The following KCNS3 variants were observed in gnomAD, a reference collection of about 807,000 sequenced individuals.
KCNS3 encodes potassium voltage-gated channel modifier subfamily S member 3.
A neutral mutation model predicts 31.0 loss-of-function variants in KCNS3; 13 were observed. That is an observed-to-expected ratio of 0.42 (90% CI 0.27 to 0.67). KCNS3 has a LOEUF of 0.67. Among genes scored for constraint, KCNS3 ranks in the 30% least tolerant of loss-of-function variants. KCNS3 has a pLI of 0.25. For synonymous variants in KCNS3, 238 were observed against 241.5 expected (o/e 0.99, Z 0.13); for missense variants, 545 against 622.4 (o/e 0.88, Z 1.32).
intron 2 of KCNS3, 36 bp from the exon 3 acceptor site, chr2:17,930,914 G>C: frequency 1.4e-6 from 2 of 1,432,900 alleles, no homozygotes; most frequent in Non-Finnish European, 1.9e-6. Flanking sequence ...GGGCACGGCA[G>C]GACAGAGTGC....
At chr2:17,893,396 A>C (rs1316702339) in intron 1 of KCNS3, among the ~76,000 whole-genome samples, 1 of 152,224 alleles carries the variant, frequency 6.6e-6, no homozygotes, top group Non-Finnish European at 1.5e-5. Flanking sequence ...TGAAGTCTGC[A>C]TGCCGGATTA....
At chr2:17,927,200 A>T (rs922761034) in intron 2 of KCNS3, among the ~76,000 whole-genome samples, 7 of 152,310 alleles carry the variant, frequency 4.6e-5, no homozygotes, top group Admixed American at 4.6e-4. Flanking sequence ...TCCAGGTCCC[A>T]ATCAGTTTTT....
chr2:17,912,302 A>G (rs1662488934), intron 1 of KCNS3, among the ~76,000 whole-genome samples: 2 of 152,204 alleles, frequency 1.3e-5, no homozygotes, highest in South Asian at 4.1e-4. Flanking sequence ...GCTCACTCCA[A>G]AGCTGCTTGC....
At chr2:17,912,237 T>G (rs1408309100) in intron 1 of KCNS3, among the ~76,000 whole-genome samples, 1 of 152,230 alleles carries the variant, frequency 6.6e-6, no homozygotes, top group Non-Finnish European at 1.5e-5. Flanking sequence ...TATGATGTCC[T>G]CCAGAAAGGT....
At chr2:17,930,859 G>C (rs746650564) in intron 2 of KCNS3, 91 bp from the exon 3 acceptor site, 6 of 730,780 alleles carry the variant, frequency 8.2e-6, no homozygotes, top group Non-Finnish European at 1.3e-5. Flanking sequence ...TGCTTTTAAT[G>C]TAGCCCATCC....
chr2:17,893,611 C>T (rs1400773321), intron 1 of KCNS3, among the ~76,000 whole-genome samples: 1 of 152,188 alleles, frequency 6.6e-6, no homozygotes, highest in African/African-American at 2.4e-5. Flanking sequence ...GCTGCTTCCT[C>T]TGTATTTCGC....
At chr2:17,884,794 T>C (rs1661590553) in intron 1 of KCNS3, among the ~76,000 whole-genome samples, 1 of 152,186 alleles carries the variant, frequency 6.6e-6, no homozygotes, top group Non-Finnish European at 1.5e-5. Context: ...TTGAATCCTA[T>C]CTCTGGCTTT....
chr2:17,921,751 A>G (rs1662708658), intron 2 of KCNS3, among the ~76,000 whole-genome samples: 1 of 151,488 alleles, frequency 6.6e-6, no homozygotes. Flanking sequence ...ACAATCATGA[A>G]AAAAGCAAGG....
chr2:17,884,256 TAAAA>T (rs34385647), intron 1 of KCNS3, among the ~76,000 whole-genome samples: 1,598 of 86,486 alleles, frequency 0.018, 36 homozygotes, highest in Middle Eastern at 0.025. Context: ...AAAGTATAAT[TAAAA>T]AAAAAAAAAT....
chr2:17,895,583 C>T (rs1662007661), intron 1 of KCNS3, among the ~76,000 whole-genome samples: 1 of 152,172 alleles, frequency 6.6e-6, no homozygotes. Flanking sequence ...TAAACTTTCA[C>T]TGGACATCTC....
chr2:17,894,346 C>T (rs1017349709), intron 1 of KCNS3, among the ~76,000 whole-genome samples: 1 of 152,046 alleles, frequency 6.6e-6, no homozygotes, highest in African/African-American at 2.4e-5. Flanking sequence ...CACCACACAC[C>T]CATCCATGCA....
At chr2:17,910,061 T>G (rs1413396997) in intron 1 of KCNS3, among the ~76,000 whole-genome samples, 2 of 152,228 alleles carry the variant, frequency 1.3e-5, no homozygotes, top group Non-Finnish European at 2.9e-5. Flanking sequence ...ATAGCGTGTT[T>G]AAACACAAAA....
At chr2:17,908,878 G>T (rs1020821067) in intron 1 of KCNS3, among the ~76,000 whole-genome samples, 2 of 152,226 alleles carry the variant, frequency 1.3e-5, no homozygotes, top group African/African-American at 2.4e-5. Flanking sequence ...CTACTGGGGG[G>T]TGCCTCCCAG....
rs894852357 is a variant in KCNS3, at chr2:17,901,699, G to A, written c.-251-15981G>A. 3.2e-4 allele frequency among the ~76,000 whole-genome samples: 49 copies of A among 152,266 alleles called. 1 individual carries two copies. The highest frequency in any genetic ancestry group is 3.4e-3 in the Middle Eastern group (1 of 294). On this transcript the variant is annotated intron_variant, in intron 1 of 2. Coordinates refer to ENST00000304101, the MANE Select transcript of KCNS3 (RefSeq NM_002252.5). ...GGTGGGTGAGGCTGGGTGGGGAGAT[G>A]ACACAAAGCTGGAGGCCTGCAGATT...
rs1206327962 is a variant in KCNS3, at chr2:17,931,402, G to T, written c.394G>T (p.Asp132Tyr). ...QERKEENHEK[D>Y]WDQKSHDVST... ...ACGCAAGGAGGAAAACCACGAGAAG[G>T]ACTGGGACCAGAAAAGCCATGATGT... Residue 132 changes from aspartate (D) to tyrosine (Y), a missense_variant, in exon 3 of 3, where the codon GAC becomes TAC. Asp to Tyr is a radical substitution (Grantham distance 160). Transcript: ENST00000304101. The surrounding 1 kb of genome is among the most constrained non-coding windows in gnomAD (Gnocchi z 5.4). The T allele has an allele frequency of 6.2e-7, 1 of 1,614,150 alleles. No individual in the cohort carries two copies. The highest frequency in any genetic ancestry group is 8.5e-7 in the Non-Finnish European group (1 of 1,180,020).
chr2:17,917,667 G>T lies in KCNS3; in HGVS notation c.-251-13G>T, dbSNP rs1662619226. ...CCTTGCAGTTACAGCTTGGCTGATG[G>T]TTTTTTCTGCAGGTGAGAGTGATTT... On this transcript the variant is annotated splice_polypyrimidine_tract_variant and intron_variant, in intron 1 of 2. Transcript: ENST00000304101. 1.3e-5 allele frequency: 2 copies of T among 152,778 alleles called. No individual in the cohort carries two copies. The highest frequency in any genetic ancestry group is 2.1e-4 in the South Asian group (1 of 4,818). 9.5% of individuals were successfully genotyped at this position (152,778 alleles called of 1,614,324 possible).
intron 1 of KCNS3, among the ~76,000 whole-genome samples, chr2:17,884,932 G>GTTTTTT (rs55738585): frequency 3.0e-4 from 39 of 127,922 alleles, no homozygotes; most frequent in Middle Eastern, 4.3e-3. Flanking sequence ...CTTCCCTGTT[G>GTTTTTT]TTTTTTTTTT....
intron 1 of KCNS3, among the ~76,000 whole-genome samples, chr2:17,883,546 A>G (rs1288649089): frequency 6.6e-6 from 1 of 152,174 alleles, no homozygotes. Context: ...AGGGTCAGAG[A>G]AGACCTTTCT....
At chr2:17,891,946 T>A (rs1252907092) in intron 1 of KCNS3, among the ~76,000 whole-genome samples, 1 of 152,208 alleles carries the variant, frequency 6.6e-6, no homozygotes, top group African/African-American at 2.4e-5. Context: ...GTGTTCTTTG[T>A]GCTTCTTGGA....
Sources: allele counts gnomAD v4.1 joint callset (sites outside exome capture counted in the v4.1 genomes callset), GRCh38; gene constraint gnomAD v4.1.1; non-coding constraint Gnocchi (gnomAD v3.1); transcripts MANE v1.5; gene names NCBI Gene and HGNC (gene_info 2026-07-23, HGNC 2026-07-21).